RP1: variants seen among roughly 807,000 people sequenced by gnomAD.
RP1 encodes oxygen-regulated protein 1.
Under a neutral mutation model 14.8 loss-of-function variants are expected in RP1, and 16 were observed. The ratio of observed to expected loss-of-function variants is 1.08; its 90% confidence interval spans 0.73 to 1.65. The LOEUF is 1.65. Among genes scored for constraint, RP1 ranks in the 40% most tolerant of loss-of-function variants. RP1 has a pLI of 0.00. For synonymous variants in RP1, 876 were observed against 883.6 expected (o/e 0.99, Z 0.15); for missense variants, 2,631 against 2,535.0 (o/e 1.04, Z -0.81).
chr8:54,598,355 C>G (rs1194998851), intron 1 of RP1, among the ~76,000 whole-genome samples: 1 of 152,128 alleles, frequency 6.6e-6, no homozygotes, highest in Non-Finnish European at 1.5e-5. Flanking sequence ...AACTATCAGT[C>G]TACTGATGTA....
intron 24 of RP1, among the ~76,000 whole-genome samples, chr8:54,808,138 G>A (rs1810904853): frequency 6.6e-6 from 1 of 152,168 alleles, no homozygotes; most frequent in Admixed American, 6.5e-5. Flanking sequence ...GGGGCTTATA[G>A]AATATGGGGT....
intron 23 of RP1, among the ~76,000 whole-genome samples, chr8:54,778,556 C>G (rs901380579): frequency 6.6e-6 from 1 of 152,060 alleles, no homozygotes; most frequent in Non-Finnish European, 1.5e-5. Context: ...AACTCCTGAC[C>G]TTGTGATCCG....
At chr8:54,706,575 A>G (rs1384086664) in exon 15 of RP1, 1 of 1,535,982 alleles carries the variant, frequency 6.5e-7, no homozygotes, top group African/African-American at 1.4e-5. Flanking sequence ...GCATAAAATC[A>G]GCTCTGGGAT....
chr8:54,616,981 TA>T (rs1554518912), intron 1 of RP1, among the ~76,000 whole-genome samples: 1 of 152,162 alleles, frequency 6.6e-6, no homozygotes, highest in African/African-American at 2.4e-5. Flanking sequence ...CTAAGGGTGT[TA>T]AAAAATCTGC....
chr8:54,630,150 A>C lies in RP1; in HGVS notation c.6268A>C (p.Asn2090His), dbSNP rs1806213244. The C allele has an allele frequency of 1.2e-6, 2 of 1,613,754 alleles. No homozygotes were observed. Among genetic ancestry groups the C allele is most frequent in the Admixed American group, 3.3e-5 (2 of 59,994 alleles). ...AAATCTCAACCAAGTAGTAAGAGAA[A>C]ATATCAACTGTCATTACTTCTTTGA... ...RTNLNQVVRE[N>H]INCHYFFEML... Residue 2090 changes from asparagine (N) to histidine (H), a missense_variant, in exon 4 of 4, where the codon AAT (asparagine) becomes CAT (histidine). Physicochemically the swap from Asn to His is moderately conservative, Grantham distance 68 (BLOSUM62 1). Transcript: ENST00000220676.
intron 15 of RP1, among the ~76,000 whole-genome samples, chr8:54,718,409 C>T (rs56094449): frequency 2.0e-5 from 3 of 151,888 alleles, no homozygotes; most frequent in Non-Finnish European, 4.4e-5. Flanking sequence ...AGAAATAGAC[C>T]CACACAAATA....
chr8:54,853,219 G>A (rs1031479952), intron 26 of RP1, among the ~76,000 whole-genome samples: 1 of 152,158 alleles, frequency 6.6e-6, no homozygotes, highest in Non-Finnish European at 1.5e-5. Flanking sequence ...AGATTTAGGA[G>A]GCCTCATGGG....
At chr8:54,605,600 C>T (rs1231544525) in intron 1 of RP1, among the ~76,000 whole-genome samples, 5 of 152,018 alleles carry the variant, frequency 3.3e-5, no homozygotes, top group Non-Finnish European at 5.9e-5. Flanking sequence ...TCCTTGTTAA[C>T]TTTCTGTCTC....
intron 25 of RP1, among the ~76,000 whole-genome samples, chr8:54,838,063 C>T (rs1179278848): frequency 6.6e-6 from 1 of 152,152 alleles, no homozygotes; most frequent in Non-Finnish European, 1.5e-5. Context: ...GTTGTTTGCC[C>T]ACCCCTGATT....
At chr8:54,753,463 C>CA (rs945894010) in intron 19 of RP1, among the ~76,000 whole-genome samples, 1 of 152,106 alleles carries the variant, frequency 6.6e-6, no homozygotes, top group African/African-American at 2.4e-5. Context: ...CGAGGGCTCA[C>CA]AAAAAACTCC....
At chr8:54,734,688 C>A (rs900682589) in exon 18 of RP1, 6 of 1,535,614 alleles carry the variant, frequency 3.9e-6, no homozygotes, top group Non-Finnish European at 3.5e-6. Flanking sequence ...GCCAATAAGT[C>A]TTCGCAAGGA....
intron 6 of RP1, among the ~76,000 whole-genome samples, chr8:54,662,677 T>A (rs963903245): frequency 3.3e-5 from 5 of 152,128 alleles, no homozygotes; most frequent in Non-Finnish European, 5.9e-5. Context: ...ATATCTGAGG[T>A]CCCAGTACCT....
intron 15 of RP1, among the ~76,000 whole-genome samples, chr8:54,714,328 A>G (rs1030324550): frequency 1.3e-5 from 2 of 152,210 alleles, no homozygotes; most frequent in African/African-American, 4.8e-5. Flanking sequence ...CAAATTAGCC[A>G]CAAGATTAAA....
chr8:54,859,352 GTGGAGT>G lies in RP1; in HGVS notation c.4069+2247_4069+2252del, dbSNP rs1812286026. ...GGTGTCACTGTAGGGTGGTGTCCCT[GTGGAGT>G]GTGTCACTGTGGAGCATTGTCACTA... On this transcript the variant is annotated intron_variant, in intron 27 of 28. Coordinates refer to the RP1 transcript ENST00000637698. 2.3e-4 allele frequency among the ~76,000 whole-genome samples: 35 copies of G among 151,428 alleles called. 1 individual carries two copies.
chr8:54,669,240 A>G (rs2129331551), intron 7 of RP1, among the ~76,000 whole-genome samples: 1 of 152,354 alleles, frequency 6.6e-6, no homozygotes, highest in African/African-American at 2.4e-5. Flanking sequence ...GCTTATCAAA[A>G]GAAGACATTT....
Position 54,621,472 on chromosome 8 carries a change from C to T in RP1, c.506C>T (p.Ala169Val), listed in dbSNP as rs747000732. 21 of 1,613,910 alleles carry T rather than the reference C, an allele frequency of 1.3e-5. No homozygotes were observed. Among genetic ancestry groups the T allele is most frequent in the Non-Finnish European group, 1.8e-5 (21 of 1,180,034 alleles). ...FRNGDPKTRR[A>V]VLLSRRVTQS... ...AATGGCGACCCGAAGACGAGGCGTG[C>T]GGTTCTTCTGAGCAGGAGGGTCACC... Residue 169 changes from alanine to valine, a missense_variant, in exon 2 of 4, where the codon GCG (alanine) becomes GTG (valine). By Grantham distance (64) the Ala-to-Val change is moderately conservative. Transcript: ENST00000220676.
chr8:54,816,286 AC>A (rs1811130541), intron 24 of RP1, among the ~76,000 whole-genome samples: 1 of 152,226 alleles, frequency 6.6e-6, no homozygotes. Context: ...AATAGCAGGA[AC>A]TTTCCAAAAA....
intron 12 of RP1, among the ~76,000 whole-genome samples, chr8:54,698,980 A>G (rs1807943584): frequency 6.6e-6 from 1 of 152,222 alleles, no homozygotes; most frequent in African/African-American, 2.4e-5. Context: ...TGGCACATGT[A>G]TACCTATATT....
chr8:54,678,779 T>A (rs1039299971), intron 9 of RP1, among the ~76,000 whole-genome samples: 1 of 152,192 alleles, frequency 6.6e-6, no homozygotes, highest in Non-Finnish European at 1.5e-5. Context: ...TTAAAAATAT[T>A]ACCTCTCTGT....
Sources: allele counts gnomAD v4.1 joint callset (sites outside exome capture counted in the v4.1 genomes callset), GRCh38; gene constraint gnomAD v4.1.1; transcripts MANE v1.5; gene names NCBI Gene and HGNC (gene_info 2026-07-23, HGNC 2026-07-21).